Variants in CDAN1 observed in about 807,000 individuals in gnomAD.
CDAN1 encodes codanin-1.
In CDAN1, 107 loss-of-function variants were observed where a neutral mutation model predicts 139.8. The ratio of observed to expected loss-of-function variants is 0.77; its 90% CI spans 0.65 to 0.90. The LOEUF (loss-of-function observed/expected upper bound fraction) is 0.90, where lower values mean the gene tolerates loss of function less well. CDAN1 is among the 40% of genes least tolerant of loss of function. The pLI, the probability that CDAN1 is intolerant of heterozygous loss-of-function variation, is 0.00. For missense variants in CDAN1, 1,667 were observed against 1,575.7 expected (o/e 1.06, Z -0.98); for synonymous variants, 776 against 660.6 (o/e 1.17, Z -2.68).
chr15:42,725,007 CG>C, intron 27 of CDAN1, 136 bp downstream of exon 27: 1 of 752,838 alleles, frequency 1.3e-6, no homozygotes, highest in Non-Finnish European at 2.4e-6. Flanking sequence ...CTACTCAAAT[CG>C]GGACAATTTC....
chr15:42,725,975 CAAAAAAAAAAAAA>C lies in CDAN1; in HGVS notation c.3268+109_3268+121del, dbSNP rs886492399. The C allele has an allele frequency of 1.1e-4, 38 of 354,184 alleles. No homozygotes were observed. The East Asian group carries it at 1.4e-3, about 13-fold the overall frequency. 21.9% of individuals were successfully genotyped at this position (354,184 alleles called of 1,614,324 possible). A position where few individuals can be genotyped will look rare whatever the true frequency, so the allele number is the denominator to read the frequency against. ...TGGGCAACAGAACAAGATTCCGTCT[CAAAAAAAAAAAAA>C]AAAAAAAAAAAAGGGACAGAAGAGG... On this transcript the variant is annotated intron_variant, in intron 25 of 27. Coordinates refer to ENST00000356231, the MANE Select transcript of CDAN1 (RefSeq NM_138477.4).
intron 17 of CDAN1, 33 bp from the exon 18 acceptor site, chr15:42,729,395 G>A (rs2061578797): frequency 1.2e-6 from 2 of 1,613,688 alleles, no homozygotes; most frequent in Non-Finnish European, 1.7e-6. Context: ...CTCAGTTCCA[G>A]AACCCTCTCC....
At chr15:42,734,954 T>C in intron 6 of CDAN1, 146 bp downstream of exon 6, 1 of 716,232 alleles carries the variant, frequency 1.4e-6, no homozygotes. Flanking sequence ...ATTCATAGCC[T>C]TAACACAAAA....
intron 25 of CDAN1, 46 bp downstream of exon 25, chr15:42,726,050 AT>A (rs1330054797): frequency 1.3e-6 from 2 of 1,490,292 alleles, no homozygotes; most frequent in Admixed American, 1.7e-5. Flanking sequence ...CAACCCTGAG[AT>A]TTGGGGGATC....
At position 42,727,781 on chromosome 15, in the gene CDAN1, A is replaced by G. The variant is rs1280602201; in HGVS notation, c.2948-12T>C. ...CCTCCTGATCAGTGCTGTGGGGCAGAGGGAGAATGGGAAAGGAATCACGGG... is the reference window on the plus strand; with the variant it reads ...CCTCCTGATCAGTGCTGTGGGGCAGGGGGAGAATGGGAAAGGAATCACGGG... On this transcript the variant is annotated splice_polypyrimidine_tract_variant and intron_variant, in intron 22 of 27. Coordinates refer to ENST00000356231, the MANE Select transcript of CDAN1 (RefSeq NM_138477.4). 1 of 1,605,668 alleles carries G rather than the reference A, an allele frequency of 6.2e-7. No homozygotes were observed. The highest frequency in any genetic ancestry group is 2.2e-5 in the East Asian group (1 of 44,790).
intron 23 of CDAN1, chr15:42,726,676 C>G (rs539092621): frequency 1.3e-5 from 7 of 558,660 alleles, no homozygotes; most frequent in African/African-American, 9.4e-5. Context: ...GGAAACGTCA[C>G]TCAACTTGGG....
At chr15:42,728,294 A>G (rs774069957) in intron 20 of CDAN1, 27 bp from the exon 21 acceptor site, 11 of 1,610,692 alleles carry the variant, frequency 6.8e-6, no homozygotes, top group African/African-American at 2.7e-5. Context: ...GGGGTCAGTG[A>G]TCTCTGGGTA....
rs780019072 is a variant in CDAN1, at chr15:42,725,180, G to A, written c.3522C>T (p.Ala1174=). 3.1e-6 allele frequency: 5 copies of A among 1,614,182 alleles called. No homozygotes were observed. The highest frequency in any genetic ancestry group is 4.2e-6 in the Non-Finnish European group (5 of 1,180,008). Residue 1174 remains alanine, a synonymous_variant, in exon 27 of 28, where the codon GCC becomes GCT. Coordinates refer to ENST00000356231, the MANE Select transcript of CDAN1 (RefSeq NM_138477.4). ...KGLMGRMEIE[A]CLGSLHQAQW... is the part of the protein sequence containing the mutation. Reference sequence around the variant, plus strand: ...GGGCCTGGTGGAGGCTGCCCAGGCAGGCCTCTATCTCCATCCGTCCCATCA... The same window carrying A: ...GGGCCTGGTGGAGGCTGCCCAGGCAAGCCTCTATCTCCATCCGTCCCATCA...
chr15:42,729,162 C>T, intron 18 of CDAN1, 36 bp from the exon 19 acceptor site: 2 of 1,613,594 alleles, frequency 1.2e-6, no homozygotes, highest in South Asian at 2.2e-5. Context: ...AGGCTTCCTC[C>T]AGCCTCCCTG....
chr15:42,724,533 C>A lies in CDAN1; in HGVS notation c.3642G>T (p.Glu1214Asp), dbSNP rs758676685. ...CAGTGCCCCGGTTTGGCTGCACCAA[C>A]TCACAGGCTCTTAGCTGGGGTTCTG... ...HLPEPQLRAC[E>D]LVQPNRGTVL... The change falls in exon 28 of 28, where the codon GAG becomes GAT. Residue 1214 changes from glutamate to aspartate, a missense_variant. Glu to Asp is a conservative substitution (Grantham distance 45). Around this residue, in one of 3 missense-constraint regions of CDAN1, gnomAD observed 936 missense variants for 844.1 expected, o/e 1.11. Transcript: ENST00000356231. 18 of 1,567,482 alleles carry A rather than the reference C, an allele frequency of 1.1e-5. No individual in the cohort carries two copies. The South Asian group carries it at 2.1e-4, about 18-fold the overall frequency.
intron 11 of CDAN1, 91 bp downstream of exon 11, chr15:42,731,529 G>T: frequency 1.4e-6 from 2 of 1,459,382 alleles, no homozygotes; most frequent in Non-Finnish European, 1.9e-6. Context: ...CTATCTCCAG[G>T]CAAAGGAGAC....
rs1388535579 is a variant in CDAN1, at chr15:42,736,887, G to A, written c.91-107C>T. ...CCTCGGGTGGGCGGCCCGGGCAGCG[G>A]CGCCCAGTTGGAGTGCACTCGGCCC... On this transcript the variant is annotated intron_variant, in intron 1 of 27. Coordinates refer to ENST00000356231, the MANE Select transcript of CDAN1 (RefSeq NM_138477.4). 4.1e-6 allele frequency: 6 copies of A among 1,453,568 alleles called. No homozygotes were observed. The African/African-American group carries it at 8.9e-5, about 21-fold the overall frequency. 90.0% of individuals were successfully genotyped at this position (1,453,568 alleles called of 1,614,324 possible).
chr15:42,736,388 G>T lies in CDAN1; in HGVS notation c.483C>A (p.Arg161=), dbSNP rs372759056. 1 of 1,612,840 alleles carries T rather than the reference G, an allele frequency of 6.2e-7. No individual in the cohort carries two copies. The highest frequency in any genetic ancestry group is 2.2e-5 in the East Asian group (1 of 44,860). Residue 161 remains arginine, a synonymous_variant, in exon 2 of 28, where the codon CGC becomes CGA. Coordinates refer to ENST00000356231, the MANE Select transcript of CDAN1 (RefSeq NM_138477.4). ...GCGGATCAGACAGCGTGAGGCTGGG[G>T]CGGCTGGGGCTGCCAGAGCCCCTAA... ...RRLRGSGSPS[R]PSLTLSDPPN...
chr15:42,734,313 C>T lies in CDAN1; in HGVS notation c.1170G>A (p.Lys390=). 1 of 1,614,162 alleles carries T rather than the reference C, an allele frequency of 6.2e-7. No homozygotes were observed. The highest frequency in any genetic ancestry group is 1.3e-5 in the African/African-American group (1 of 75,052). The change falls in exon 7 of 28, where the codon AAG becomes AAA. Residue 390 remains lysine (K), a synonymous_variant. Transcript: ENST00000356231. The stretch of plus-strand genomic sequence containing the variant: ...GCAGCCGCTCATTCTCAGCCAGCAG[C>T]TTCAAGGTCCCTTTGTCCAGGTTGG... The part of the protein sequence containing the change: ...VLSNLDKGTL[K]LLAENERLLC...
At chr15:42,734,722 C>T (rs1311471340) in intron 6 of CDAN1, among the ~76,000 whole-genome samples, 1 of 151,552 alleles carries the variant, frequency 6.6e-6, no homozygotes. Flanking sequence ...TCAGGAGATC[C>T]TTCCACCTCA....
chr15:42,728,315 G>T, intron 20 of CDAN1, 48 bp from the exon 21 acceptor site: 1 of 1,591,454 alleles, frequency 6.3e-7, no homozygotes. Flanking sequence ...TTTCAGCCTG[G>T]CTGCAGAAGT....
rs2061571903 is a variant in CDAN1, at chr15:42,729,044, G to A, written c.2624C>T (p.Ser875Leu). ...TVEFVAERIG[S>L]NCVKHIKATL... ...TTACTTGATATGTTTGACACAGTTT[G>A]ATCCAATTCTTTCTGCCACGAACTC... is the stretch of plus-strand genomic sequence containing the variant. Residue 875 changes from serine to leucine, a missense_variant, in exon 19 of 28, where the codon TCA becomes TTA. Ser to Leu is a moderately radical substitution (Grantham distance 145). Around this residue, in one of 3 missense-constraint regions of CDAN1, gnomAD observed 936 missense variants for 844.1 expected, o/e 1.11. Transcript: ENST00000356231. 3.1e-6 allele frequency: 5 copies of A among 1,614,056 alleles called. No homozygotes were observed. The highest frequency in any genetic ancestry group is 2.7e-5 in the African/African-American group (2 of 74,938).
chr15:42,730,742 C>T lies in CDAN1; in HGVS notation c.2030G>A (p.Arg677Gln), dbSNP rs750549267. Residue 677 changes from arginine (R) to glutamine (Q), a missense_variant, in exon 14 of 28, where the codon CGG becomes CAG. Transcript: ENST00000356231. Reference protein sequence around the residue: ...RSQVPPVLDVRTLLQRGLQAR... With the variant: ...RSQVPPVLDVQTLLQRGLQAR... ...CTGCAGCCCTCGCTGCAGCAGAGTC[C>T]GCACATCCAGGACCGGAGGGACCTG... The T allele has an allele frequency of 2.2e-5, 36 of 1,612,280 alleles. No individual in the cohort carries two copies. Among genetic ancestry groups the T allele is most frequent in the Admixed American group, 8.4e-5 (5 of 59,714 alleles).
intron 27 of CDAN1, 98 bp from the exon 28 acceptor site, chr15:42,724,714 T>G: frequency 6.9e-7 from 1 of 1,444,560 alleles, no homozygotes. Context: ...GGCTATATTA[T>G]TTTTTCTCAA....
Sources: allele counts gnomAD v4.1 joint callset (sites outside exome capture counted in the v4.1 genomes callset), GRCh38; gene constraint gnomAD v4.1.1; regional missense constraint gnomAD v4.1.1; transcripts MANE v1.5; gene names NCBI Gene and HGNC (gene_info 2026-07-23, HGNC 2026-07-21).